The following MYO3B variants were observed in gnomAD, a reference collection of about 807,000 sequenced individuals.
The protein encoded by MYO3B is myosin-IIIb.
Under a neutral mutation model 174.6 loss-of-function variants are expected in MYO3B, and 156 were observed. The observed-to-expected ratio is 0.89, with a 90% CI of 0.78 to 1.02. MYO3B has a LOEUF of 1.02. MYO3B is among the 50% of genes least tolerant of loss of function. The pLI, the probability that MYO3B is intolerant of heterozygous loss-of-function variation, is 0.00. For missense variants in MYO3B, 1,632 were observed against 1,639.4 expected (o/e 1.00, Z 0.08); for synonymous variants, 563 against 569.1 (o/e 0.99, Z 0.15).
chr2:170,488,775 C>T (rs1395587639), intron 25 of MYO3B, among the ~76,000 whole-genome samples: 1 of 152,124 alleles, frequency 6.6e-6, no homozygotes, highest in Non-Finnish European at 1.5e-5. Context: ...CAAAATGGCT[C>T]AAAGGGGATA....
intron 3 of MYO3B, among the ~76,000 whole-genome samples, chr2:170,213,759 A>G (rs73027107): frequency 0.015 from 2,352 of 152,354 alleles, 66 homozygotes; most frequent in African/African-American, 0.053. Context: ...AGAGAAGAGC[A>G]TAAAGTTGCT....
At chr2:170,608,056 C>G (rs892733926) in intron 32 of MYO3B, among the ~76,000 whole-genome samples, 3 of 152,118 alleles carry the variant, frequency 2.0e-5, no homozygotes, top group African/African-American at 7.2e-5. Flanking sequence ...TATGAAGTTG[C>G]CTGAAATTTG....
intron 30 of MYO3B, among the ~76,000 whole-genome samples, chr2:170,520,354 G>A (rs935420262): frequency 2.6e-5 from 4 of 152,026 alleles, no homozygotes; most frequent in African/African-American, 9.7e-5. Flanking sequence ...TTGGGAGGCT[G>A]AGGTGGGAGT....
intron 8 of MYO3B, among the ~76,000 whole-genome samples, chr2:170,353,055 A>G (rs1422440932): frequency 6.6e-6 from 1 of 152,236 alleles, no homozygotes; most frequent in Non-Finnish European, 1.5e-5. Context: ...GCCCTTTTTA[A>G]TATTTACCTA....
chr2:170,348,787 T>C (rs572901388), intron 8 of MYO3B: 1 of 152,306 alleles, frequency 6.6e-6, no homozygotes, highest in East Asian at 1.9e-4. Flanking sequence ...GCTCTAGATG[T>C]AGGAGAGCTG....
intron 32 of MYO3B, among the ~76,000 whole-genome samples, chr2:170,636,232 A>G (rs2105413716): frequency 1.3e-5 from 2 of 152,280 alleles, no homozygotes; most frequent in African/African-American, 2.4e-5. Context: ...CCAGGTGCCA[A>G]TAACTGGTTC....
chr2:170,518,873 C>T (rs565514417), intron 29 of MYO3B, among the ~76,000 whole-genome samples: 11 of 152,234 alleles, frequency 7.2e-5, no homozygotes, highest in East Asian at 1.9e-4. Context: ...AAAAGAAGGC[C>T]GTGATTGATT....
At chr2:170,612,801 A>G (rs1371845608) in intron 32 of MYO3B, among the ~76,000 whole-genome samples, 1 of 152,164 alleles carries the variant, frequency 6.6e-6, no homozygotes, top group Non-Finnish European at 1.5e-5. Flanking sequence ...TAAATTCCCT[A>G]ATACTTCAGG....
intron 9 of MYO3B, among the ~76,000 whole-genome samples, chr2:170,375,441 C>T (rs1431486472): frequency 2.6e-5 from 4 of 151,906 alleles, no homozygotes; most frequent in Non-Finnish European, 4.4e-5. Flanking sequence ...TAGCTGAAAC[C>T]ACAGATGTTA....
intron 7 of MYO3B, among the ~76,000 whole-genome samples, chr2:170,322,113 G>GAAAA (rs56152648): frequency 1.2e-5 from 1 of 85,998 alleles, no homozygotes; most frequent in Non-Finnish European, 2.2e-5. Flanking sequence ...ACTCCGTCTC[G>GAAAA]AAAAAAAAAA....
chr2:170,336,178 T>C (rs1225871522), intron 8 of MYO3B, among the ~76,000 whole-genome samples: 2 of 151,182 alleles, frequency 1.3e-5, no homozygotes, highest in Admixed American at 1.3e-4. Flanking sequence ...AGGGGCCTGG[T>C]GAATTGAGGG....
chr2:170,362,540 G>A (rs2094169366), intron 8 of MYO3B, among the ~76,000 whole-genome samples: 1 of 151,992 alleles, frequency 6.6e-6, no homozygotes, highest in African/African-American at 2.4e-5. Flanking sequence ...TCAGCTTCCT[G>A]TTCAAAAGCT....
At chr2:170,341,582 G>A (rs1028519210) in intron 8 of MYO3B, among the ~76,000 whole-genome samples, 1 of 152,100 alleles carries the variant, frequency 6.6e-6, no homozygotes, top group Admixed American at 6.5e-5. Flanking sequence ...GAATTAATTA[G>A]CATCTCTTGA....
intron 5 of MYO3B, among the ~76,000 whole-genome samples, chr2:170,216,831 A>T (rs1318048838): frequency 6.6e-6 from 1 of 152,150 alleles, no homozygotes; most frequent in East Asian, 1.9e-4. Flanking sequence ...GATTGATCCT[A>T]GTTGTTGATA....
intron 22 of MYO3B, among the ~76,000 whole-genome samples, chr2:170,440,010 A>T (rs1426624184): frequency 6.6e-6 from 1 of 152,132 alleles, no homozygotes; most frequent in Non-Finnish European, 1.5e-5. Flanking sequence ...TTAATCTTCA[A>T]GCCATTTTGA....
intron 6 of MYO3B, among the ~76,000 whole-genome samples, chr2:170,232,285 G>T (rs2093023566): frequency 6.6e-6 from 1 of 152,210 alleles, no homozygotes; most frequent in South Asian, 2.1e-4. Flanking sequence ...AATAGCTTCA[G>T]ACTTTGGTAT....
intron 6 of MYO3B, among the ~76,000 whole-genome samples, chr2:170,227,032 G>A (rs1441193944): frequency 6.6e-6 from 1 of 152,196 alleles, no homozygotes; most frequent in Non-Finnish European, 1.5e-5. Flanking sequence ...CTGACCTCCA[G>A]TCAGTGCCTC....
At chr2:170,488,750 A>G (rs1686240441) in intron 25 of MYO3B, among the ~76,000 whole-genome samples, 1 of 152,082 alleles carries the variant, frequency 6.6e-6, no homozygotes, top group South Asian at 2.1e-4. Flanking sequence ...ATCAGTTGGA[A>G]TTTAGAAAGA....
intron 7 of MYO3B, among the ~76,000 whole-genome samples, chr2:170,285,535 AT>A (rs529403387): frequency 6.6e-6 from 1 of 151,698 alleles, no homozygotes; most frequent in Non-Finnish European, 1.5e-5. Flanking sequence ...TAATTTTTGT[AT>A]TTTTTTAGTA....
Sources: gnomAD v4.1 joint callset for allele counts (sites outside exome capture counted in the v4.1 genomes callset) on GRCh38, gnomAD v4.1.1 for gene constraint, MANE v1.5 for transcripts, NCBI Gene and HGNC (gene_info 2026-07-23, HGNC 2026-07-21) for gene names.